AREL1: variants seen among roughly 807,000 people sequenced by gnomAD.
The protein encoded by AREL1 is apoptosis-resistant E3 ubiquitin protein ligase 1.
A neutral mutation model predicts 99.0 loss-of-function variants in AREL1; 62 were observed. That is an observed-to-expected ratio of 0.63 (90% CI 0.51 to 0.77). AREL1 has a LOEUF of 0.77. Ranked by LOEUF, AREL1 falls within the 30% of genes least tolerant of loss-of-function variation. The probability of loss-of-function intolerance (pLI) is 0.00; values close to 1 mark genes in which losing one functional copy is unlikely to be tolerated. For synonymous variants in AREL1, 380 were observed against 376.5 expected, an observed-to-expected ratio of 1.01 and a Z score of -0.11; for missense variants, 879 against 1,027.6, an observed-to-expected ratio of 0.86 and a Z score of 1.98.
intron 1 of AREL1, among the ~76,000 whole-genome samples, chr14:74,712,296 G>A (rs142116724): frequency 1.3e-5 from 2 of 152,216 alleles, no homozygotes; most frequent in Non-Finnish European, 2.9e-5. Flanking sequence ...CAGACACCCA[G>A]AGGGTCCACG....
In AREL1 at chr14:74,663,931, C is replaced by T. The variant is rs376915333; in HGVS notation, c.2337G>A (p.Pro779=). ...GTGCAGTAGGCAGCGTGCTATGGGT[C>T]GGAGCGGCAATAATCTGAAATGAGG... The part of the protein sequence containing the change: ...LCPSFQIIAA[P]THSTLPTAHT... The change falls in exon 19 of 20, where the codon CCG becomes CCA. Residue 779 remains proline (P), a synonymous_variant. Coordinates refer to ENST00000356357, the MANE Select transcript of AREL1 (RefSeq NM_001039479.2). 24 of 1,614,014 alleles carry T rather than the reference C, an allele frequency of 1.5e-5. No individual in the cohort carries two copies. Among genetic ancestry groups the T allele is most frequent in the East Asian group, 6.7e-5 (3 of 44,892 alleles).
intron 1 of AREL1, among the ~76,000 whole-genome samples, chr14:74,695,612 A>G (rs2089968476): frequency 6.6e-6 from 1 of 152,144 alleles, no homozygotes. Flanking sequence ...TTCCCACACC[A>G]GATAGAATCA....
Position 74,701,316 on chromosome 14 carries a change from G to A in AREL1, c.-333-8988C>T, listed in dbSNP as rs561502645. The stretch of plus-strand genomic sequence containing the variant: ...TGCTGTTAAAGACGTATCAGAGACT[G>A]GTTAATTTACAAAGAAAAAGAGGTT... On this transcript the variant is annotated intron_variant, in intron 1 of 19. Coordinates refer to ENST00000356357, the MANE Select transcript of AREL1 (RefSeq NM_001039479.2). Among the ~76,000 whole-genome samples the A allele has an allele frequency of 2.6e-5, 4 of 152,230 alleles. No homozygotes were observed. In the South Asian group the frequency reaches 8.3e-4, roughly 32 times the overall value.
At chr14:74,712,630 C>T (rs1456718583) in intron 1 of AREL1, among the ~76,000 whole-genome samples, 1 of 151,900 alleles carries the variant, frequency 6.6e-6, no homozygotes, top group Admixed American at 6.6e-5. Context: ...TAGTCTAGGC[C>T]CTCAAACACT....
At chr14:74,695,914 C>T (rs754200711) in intron 1 of AREL1, among the ~76,000 whole-genome samples, 24 of 152,202 alleles carry the variant, frequency 1.6e-4, no homozygotes, top group Non-Finnish European at 2.4e-4. Flanking sequence ...GCTCAACATT[C>T]TGTATCTCTA....
chr14:74,675,580 C>T lies in AREL1; in HGVS notation c.1080+119G>A. On this transcript the variant is annotated intron_variant, in intron 8 of 19. Transcript: ENST00000356357. ...TAACAGTTGAAAGTGGCTTTCTATA[C>T]AACTAGTTAACAATCTTGCCCTGAT... The T allele has an allele frequency of 2.7e-5, 37 of 1,387,044 alleles. No homozygotes were observed. In the South Asian group the frequency reaches 5.0e-4, roughly 19 times the overall value. 85.9% of individuals were successfully genotyped at this position (1,387,044 alleles called of 1,614,324 possible).
intron 1 of AREL1, among the ~76,000 whole-genome samples, chr14:74,702,599 C>T (rs1025554574): frequency 3.3e-5 from 5 of 152,186 alleles, no homozygotes; most frequent in Non-Finnish European, 5.9e-5. Flanking sequence ...CTCTGACATG[C>T]CCTGGAGACA....
At chr14:74,678,252 T>C in intron 5 of AREL1, 4 of 453,402 alleles carry the variant, frequency 8.8e-6, no homozygotes, top group South Asian at 6.2e-5. Context: ...ATCCCAACAC[T>C]TTGGAAGGCC....
chr14:74,667,447 G>C lies in AREL1; in HGVS notation c.2044+18C>G, dbSNP rs1452350965. ...ACAGGTATTTTAACTTCAAGGCCAA[G>C]AACAGACAGGATCCCACCTTTTAGG... On this transcript the variant is annotated intron_variant, in intron 16 of 19. Coordinates refer to ENST00000356357, the MANE Select transcript of AREL1 (RefSeq NM_001039479.2). 7 of 1,614,040 alleles carry C rather than the reference G, an allele frequency of 4.3e-6. No individual in the cohort carries two copies. The highest frequency in any genetic ancestry group is 5.9e-6 in the Non-Finnish European group (7 of 1,179,900).
At chr14:74,712,462 G>C (rs1051551141) in intron 1 of AREL1, among the ~76,000 whole-genome samples, 1 of 152,124 alleles carries the variant, frequency 6.6e-6, no homozygotes, top group African/African-American at 2.4e-5. Context: ...GGTACTCAAA[G>C]AAAAAAGCTA....
At chr14:74,675,308 T>C (rs1409471118) in intron 8 of AREL1, among the ~76,000 whole-genome samples, 1 of 152,206 alleles carries the variant, frequency 6.6e-6, no homozygotes, top group Non-Finnish European at 1.5e-5. Flanking sequence ...TCACAGAGTC[T>C]CATTTTTATG....
chr14:74,675,597 T>C (rs1454154403), intron 8 of AREL1, 102 bp downstream of exon 8: 3 of 1,467,960 alleles, frequency 2.0e-6, no homozygotes, highest in Admixed American at 2.1e-5. Flanking sequence ...TTAACAATCT[T>C]GCCCTGATTC....
At chr14:74,711,986 T>A (rs2140006406) in intron 1 of AREL1, 1 of 123,582 alleles carries the variant, frequency 8.1e-6, no homozygotes, top group African/African-American at 3.2e-5. Flanking sequence ...ATGACAGAGG[T>A]ACCCATTCCG....
chr14:74,686,960 G>C (rs532941513), intron 2 of AREL1, among the ~76,000 whole-genome samples: 1 of 152,120 alleles, frequency 6.6e-6, no homozygotes, highest in Non-Finnish European at 1.5e-5. Context: ...CTCATCTCTT[G>C]GGACCCTATG....
At chr14:74,694,258 G>A (rs1214097858) in intron 1 of AREL1, among the ~76,000 whole-genome samples, 1 of 152,148 alleles carries the variant, frequency 6.6e-6, no homozygotes, top group African/African-American at 2.4e-5. Flanking sequence ...ACTGGCTACT[G>A]GAACCAGCTT....
intron 1 of AREL1, among the ~76,000 whole-genome samples, chr14:74,695,263 A>C (rs2089962797): frequency 6.6e-6 from 1 of 151,694 alleles, no homozygotes; most frequent in African/African-American, 2.4e-5. Flanking sequence ...TATTTTTGGT[A>C]GAGGCAGGGT....
chr14:74,668,627 G>A (rs1396346965), intron 15 of AREL1, among the ~76,000 whole-genome samples: 1 of 152,128 alleles, frequency 6.6e-6, no homozygotes, highest in Non-Finnish European at 1.5e-5. Flanking sequence ...TGCCAGCTCA[G>A]GAAGTTGGGT....
chr14:74,683,627 A>T, intron 4 of AREL1, 94 bp from the exon 5 acceptor site: 1 of 1,087,668 alleles, frequency 9.2e-7, no homozygotes, highest in Non-Finnish European at 1.4e-6. Context: ...TAGCTGGCAG[A>T]GACCACACCA....
At chr14:74,687,534 A>G (rs1419949463) in intron 2 of AREL1, among the ~76,000 whole-genome samples, 1 of 152,188 alleles carries the variant, frequency 6.6e-6, no homozygotes, top group Non-Finnish European at 1.5e-5. Context: ...AACAAATAGC[A>G]TAAGATAGAG....
Sources: allele counts gnomAD v4.1 joint callset (sites outside exome capture counted in the v4.1 genomes callset), GRCh38; gene constraint gnomAD v4.1.1; transcripts MANE v1.5; gene names NCBI Gene and HGNC (gene_info 2026-07-23, HGNC 2026-07-21).